REDIC1: variants seen among roughly 807,000 people sequenced by gnomAD.
REDIC1 encodes HEI10 Interacting Protein 1.
the REDIC1 span, chr12:39,764,876 A>G: frequency 3.7e-6 from 6 of 1,608,738 alleles, no homozygotes; most frequent in Admixed American, 3.4e-5. Context: ...ATAATGCAAT[A>G]TAAGTATTAA....
the REDIC1 span, among the ~76,000 whole-genome samples, chr12:39,873,014 TG>T: frequency 6.6e-6 from 1 of 152,228 alleles, no homozygotes; most frequent in East Asian, 1.9e-4. Context: ...AAATCAAATC[TG>T]TTTTGAATAC....
At chr12:39,626,350 G>C in the REDIC1 span, 5 of 1,614,108 alleles carry the variant, frequency 3.1e-6, no homozygotes, top group African/African-American at 1.3e-5. Context: ...AATTGGGTCG[G>C]GGGGTCCCGG....
At chr12:39,833,730 A>G in the REDIC1 span, among the ~76,000 whole-genome samples, 6 of 151,914 alleles carry the variant, frequency 3.9e-5, no homozygotes, top group African/African-American at 1.4e-4. Flanking sequence ...TAGATTTCCC[A>G]AACACCCACA....
At chr12:39,889,511 G>A in the REDIC1 span, among the ~76,000 whole-genome samples, 4 of 149,254 alleles carry the variant, frequency 2.7e-5, no homozygotes, top group Admixed American at 2.0e-4. Context: ...CCGACTTTAC[G>A]CTTCAGTGGT....
chr12:39,812,396 C>CTTT, the REDIC1 span, among the ~76,000 whole-genome samples: 2 of 115,572 alleles, frequency 1.7e-5, no homozygotes, highest in African/African-American at 8.3e-5. Flanking sequence ...CTTTCTCTCT[C>CTTT]TCTTTCTTCC....
the REDIC1 span, among the ~76,000 whole-genome samples, chr12:39,637,816 G>T: frequency 2.0e-4 from 30 of 152,048 alleles, no homozygotes; most frequent in African/African-American, 6.5e-4. Context: ...ACTACTTAGG[G>T]AATATAGTCT....
the REDIC1 span, chr12:39,788,768 CA>C: frequency 1.3e-5 from 2 of 152,080 alleles, no homozygotes; most frequent in African/African-American, 4.8e-5. Flanking sequence ...TTGATAGGCA[CA>C]ATTAACAGAA....
At chr12:39,683,337 T>C in the REDIC1 span, 8 of 1,182,564 alleles carry the variant, frequency 6.8e-6, no homozygotes, top group East Asian at 2.5e-5. Flanking sequence ...GTACGTGTCA[T>C]GTGAATATGC....
the REDIC1 span, among the ~76,000 whole-genome samples, chr12:39,820,980 A>G: frequency 6.6e-6 from 1 of 151,952 alleles, no homozygotes; most frequent in Non-Finnish European, 1.5e-5. Flanking sequence ...TTCCTACTGC[A>G]GTGTTCCCCA....
At chr12:39,842,616 AT>A in the REDIC1 span, among the ~76,000 whole-genome samples, 5 of 151,948 alleles carry the variant, frequency 3.3e-5, no homozygotes. Context: ...ATTTTTAAAA[AT>A]TTTTTACTGA....
chr12:39,670,547 G>A, the REDIC1 span, among the ~76,000 whole-genome samples: 1 of 152,080 alleles, frequency 6.6e-6, no homozygotes, highest in Admixed American at 6.5e-5. Flanking sequence ...ACCTTTTTGG[G>A]TTGTATTTCT....
At chr12:39,776,341 A>G in the REDIC1 span, among the ~76,000 whole-genome samples, 13 of 152,322 alleles carry the variant, frequency 8.5e-5, no homozygotes, top group African/African-American at 3.1e-4. Context: ...CTCGCCACCA[A>G]GCACAAGTGG....
At chr12:39,896,322 ATATGTGTATATATGTATACATATATG>A in the REDIC1 span, among the ~76,000 whole-genome samples, 2 of 86,956 alleles carry the variant, frequency 2.3e-5, no homozygotes, top group Non-Finnish European at 4.6e-5. Flanking sequence ...ATATGTATGT[ATATGTGTATATATGTATACATATATG>A]TATGTATATG....
the REDIC1 span, among the ~76,000 whole-genome samples, chr12:39,685,327 C>T: frequency 1.9e-4 from 29 of 152,232 alleles, no homozygotes; most frequent in Admixed American, 9.2e-4. Context: ...TGATTGGTTT[C>T]GGGCAGGCCT....
chr12:39,875,208 G>A, the REDIC1 span, among the ~76,000 whole-genome samples: 319 of 152,294 alleles, frequency 2.1e-3, no homozygotes, highest in African/African-American at 7.2e-3. Context: ...TGTCAGTAGA[G>A]CTCTGTCCCT....
At chr12:39,751,494 C>T in the REDIC1 span, among the ~76,000 whole-genome samples, 127,260 of 151,986 alleles carry the variant, frequency 0.84, 53,511 homozygotes, top group African/African-American at 0.88. Flanking sequence ...GACAGTGTGG[C>T]GATTCCTCAA....
chr12:39,649,125 A>G, the REDIC1 span, among the ~76,000 whole-genome samples: 1 of 151,882 alleles, frequency 6.6e-6, no homozygotes, highest in Non-Finnish European at 1.5e-5. Context: ...TTGTCTGTAC[A>G]TATTATAGAC....
At chr12:39,783,556 C>T in the REDIC1 span, among the ~76,000 whole-genome samples, 32 of 152,268 alleles carry the variant, frequency 2.1e-4, no homozygotes, top group African/African-American at 2.9e-4. Flanking sequence ...TTTTAATGAT[C>T]GCCATTCTAA....
chr12:39,898,255 G>T, the REDIC1 span, among the ~76,000 whole-genome samples: 1 of 152,066 alleles, frequency 6.6e-6, no homozygotes, highest in Non-Finnish European at 1.5e-5. Context: ...GCACAGAAAA[G>T]AACCAATGAA....
Sources: gnomAD v4.1 joint callset for allele counts (sites outside exome capture counted in the v4.1 genomes callset) on GRCh38, gnomAD v4.1.1 for gene constraint, MANE v1.5 for transcripts, NCBI Gene and HGNC (gene_info 2026-07-23, HGNC 2026-07-21) for gene names.